TRPV2: variants seen among roughly 807,000 people sequenced by gnomAD.
The protein encoded by TRPV2 is transient receptor potential cation channel subfamily V member 2, also known as OTRPC2.
Under a neutral mutation model 91.0 loss-of-function variants are expected in TRPV2, and 58 were observed. The observed-to-expected ratio is 0.64, with a 90% confidence interval of 0.52 to 0.79. TRPV2 has a LOEUF of 0.79. Ranked by LOEUF, TRPV2 falls within the 30% of genes least tolerant of loss-of-function variation. TRPV2 has a pLI of 0.00. For synonymous variants in TRPV2, 417 were observed against 414.8 expected (o/e 1.01, Z -0.06); for missense variants, 807 against 969.6 (o/e 0.83, Z 2.23).
chr17:16,420,252 G>A lies in TRPV2; in HGVS notation c.334+4G>A. 1 of 1,608,402 alleles carries A rather than the reference G, an allele frequency of 6.2e-7. No homozygotes were observed. The highest frequency in any genetic ancestry group is 1.1e-5 in the South Asian group (1 of 90,810). ...CTCACCGACTCGGAATACACAGGTA[G>A]ACCCTGCCCTGTGGATCCAAGGCTA... On this transcript the variant is annotated splice_donor_region_variant and intron_variant, in intron 3 of 14. Coordinates refer to ENST00000338560, the MANE Select transcript of TRPV2 (RefSeq NM_016113.5).
In TRPV2 at chr17:16,421,519, ATT is replaced by A. The variant is rs574608841; in HGVS notation, c.335-1063_335-1062del. 6.3e-3 allele frequency among the ~76,000 whole-genome samples: 543 copies of A among 86,686 alleles called. 8 individuals are homozygous for A. The highest frequency in any genetic ancestry group is 0.021 in the African/African-American group (505 of 24,494). The allele number at this position is 86,686 out of a possible 152,430, so 56.9% of individuals were successfully genotyped here. A position where few individuals can be genotyped will look rare whatever the true frequency, so the allele number is the denominator to read the frequency against. On this transcript the variant is annotated intron_variant, in intron 3 of 14. Coordinates refer to ENST00000338560, the MANE Select transcript of TRPV2 (RefSeq NM_016113.5). The stretch of plus-strand genomic sequence containing the variant: ...CAGGCGTGAGCCACCGCGCCTGGCC[ATT>A]TTTTTTTTTTTTTTTTCCGAGACGG...
At chr17:16,427,814 G>A (rs1329817207) in intron 8 of TRPV2, among the ~76,000 whole-genome samples, 1 of 152,196 alleles carries the variant, frequency 6.6e-6, no homozygotes, top group Non-Finnish European at 1.5e-5. Flanking sequence ...GAATGGAGCT[G>A]GAAGCGCCTG....
chr17:16,423,415 T>G, intron 4 of TRPV2, 54 bp from the exon 5 acceptor site: 1 of 1,544,182 alleles, frequency 6.5e-7, no homozygotes, highest in Admixed American at 1.9e-5. Context: ...GCATGAGGAG[T>G]AGGCAGATGG....
chr17:16,432,448 T>TTG (rs1731612951), intron 12 of TRPV2, 148 bp downstream of exon 12: 1 of 725,694 alleles, frequency 1.4e-6, no homozygotes, highest in Non-Finnish European at 2.2e-6. Context: ...CCTTTTTTTT[T>TTG]TTTTTTTCTG....
chr17:16,420,423 C>T (rs564120666), intron 3 of TRPV2, among the ~76,000 whole-genome samples, 175 bp downstream of exon 3: 15 of 152,170 alleles, frequency 9.9e-5, no homozygotes, highest in African/African-American at 3.4e-4. Flanking sequence ...GGCCTCCTGT[C>T]AGTCTTGGCT....
chr17:16,425,802 A>G (rs1308838579), intron 5 of TRPV2, among the ~76,000 whole-genome samples: 1 of 152,218 alleles, frequency 6.6e-6, no homozygotes, highest in Non-Finnish European at 1.5e-5. Context: ...CAGGGGCCTC[A>G]AGGACCCCAG....
At chr17:16,419,080 T>C (rs942678054) in intron 2 of TRPV2, among the ~76,000 whole-genome samples, 5 of 151,936 alleles carry the variant, frequency 3.3e-5, no homozygotes, top group African/African-American at 1.2e-4. Context: ...TCACCAACCT[T>C]TACTTGGTTG....
chr17:16,418,095 G>A (rs931079891), intron 2 of TRPV2, among the ~76,000 whole-genome samples: 1 of 152,198 alleles, frequency 6.6e-6, no homozygotes, highest in African/African-American at 2.4e-5. Flanking sequence ...GCCTTCTGAG[G>A]TCATGTTCTT....
At chr17:16,428,516 G>A (rs939645781) in intron 9 of TRPV2, 129 bp downstream of exon 9, 11 of 1,022,178 alleles carry the variant, frequency 1.1e-5, no homozygotes, top group Non-Finnish European at 1.7e-5. Context: ...TCTGTGTACA[G>A]GCCAGTCCCA....
chr17:16,431,651 CCCACAT>C, intron 10 of TRPV2, 127 bp from the exon 11 acceptor site: 1 of 765,984 alleles, frequency 1.3e-6, no homozygotes, highest in Non-Finnish European at 2.2e-6. Flanking sequence ...GCTCCACAGG[CCCACAT>C]ATGCATATGT....
intron 5 of TRPV2, among the ~76,000 whole-genome samples, chr17:16,424,753 T>C (rs1007344540): frequency 4.6e-5 from 7 of 152,126 alleles, no homozygotes; most frequent in Non-Finnish European, 8.8e-5. Context: ...AAATTTCTCC[T>C]AGTTCATCAT....
At chr17:16,431,292 T>TATATAGATA (rs1491493192) in intron 10 of TRPV2, among the ~76,000 whole-genome samples, 1 of 16,294 alleles carries the variant, frequency 6.1e-5, no homozygotes, top group Non-Finnish European at 9.6e-5. Context: ...TATATACATA[T>TATATAGATA]TTTTTTTTTT....
Position 16,423,883 on chromosome 17 carries a change from A to G in TRPV2, c.924+116A>G, listed in dbSNP as rs73287067. The G allele has an allele frequency of 6.3e-3, 6,305 of 1,000,230 alleles. 250 individuals carry two copies. The African/African-American group carries it at 0.09, about 14-fold the overall frequency. 62.0% of individuals were successfully genotyped at this position (1,000,230 alleles called of 1,614,324 possible). A position where few individuals can be genotyped will look rare whatever the true frequency, so the allele number is the denominator to read the frequency against. On this transcript the variant is annotated intron_variant, in intron 5 of 14. Coordinates refer to ENST00000338560, the MANE Select transcript of TRPV2 (RefSeq NM_016113.5). The stretch of plus-strand genomic sequence containing the variant: ...AGAGCAGTGGCTTCTCTGCTTTTCA[A>G]TGGAACACTCCTGTTAGTAAGAAAA...
intron 12 of TRPV2, 119 bp from the exon 13 acceptor site, chr17:16,433,455 T>G (rs1037197756): frequency 7.0e-7 from 1 of 1,431,102 alleles, no homozygotes; most frequent in Non-Finnish European, 9.4e-7. Flanking sequence ...GCGTGTTTAG[T>G]TGACTTCGCG....
In TRPV2 at chr17:16,426,203, G is replaced by A. The variant is rs764221842; in HGVS notation, c.1029G>A (p.Leu343=). 1.2e-5 allele frequency: 20 copies of A among 1,614,088 alleles called. No individual in the cohort carries two copies. The South Asian group carries it at 1.9e-4, about 15-fold the overall frequency. Residue 343 remains leucine (L), a synonymous_variant, in exon 6 of 15, where the codon CTG becomes CTA. Coordinates refer to ENST00000338560, the MANE Select transcript of TRPV2 (RefSeq NM_016113.5). This position sits in a 1 kb window ranked among gnomAD's most constrained non-coding sequence, Gnocchi z 6.0. ...CTGTCCGGGTGTCGCTGTATGACCT[G>A]GCTTCTGTGGACAGCTGTGAGGAGA... is the stretch of plus-strand genomic sequence containing the variant. ...YGPVRVSLYD[L]ASVDSCEENS...
intron 3 of TRPV2, among the ~76,000 whole-genome samples, chr17:16,421,885 G>T (rs1051808603): frequency 6.6e-5 from 10 of 152,130 alleles, no homozygotes; most frequent in African/African-American, 2.4e-4. Flanking sequence ...CGAAAACTGA[G>T]ATTAAGAGAG....
intron 12 of TRPV2, 27 bp from the exon 13 acceptor site, chr17:16,433,547 T>A (rs1269833648): frequency 3.2e-5 from 51 of 1,612,182 alleles, no homozygotes; most frequent in Non-Finnish European, 4.2e-5. Flanking sequence ...CCCAGGACGT[T>A]CTGTCTGATG....
chr17:16,426,894 T>G lies in TRPV2; in HGVS notation c.1251+17T>G. On this transcript the variant is annotated intron_variant, in intron 7 of 14. Coordinates refer to ENST00000338560, the MANE Select transcript of TRPV2 (RefSeq NM_016113.5). The surrounding 1 kb of genome is among the most constrained non-coding windows in gnomAD (Gnocchi z 6.0). ...CTGAAGAAGGCAAGGGCGTGAGGTT[T>G]GGGGGGGCACATCTTGGGGGAGGCC... 1.3e-6 allele frequency: 2 copies of G among 1,569,754 alleles called. No homozygotes were observed. Among genetic ancestry groups the G allele is most frequent in the East Asian group, 2.4e-5 (1 of 40,890 alleles).
At chr17:16,431,272 T>C (rs1295437756) in intron 10 of TRPV2, among the ~76,000 whole-genome samples, 8 of 75,390 alleles carry the variant, frequency 1.1e-4, no homozygotes, top group Non-Finnish European at 1.8e-4. Context: ...TATATATATA[T>C]ATATATATAT....
Sources: allele counts gnomAD v4.1 joint callset (sites outside exome capture counted in the v4.1 genomes callset), GRCh38; gene constraint gnomAD v4.1.1; non-coding constraint Gnocchi (gnomAD v3.1); transcripts MANE v1.5; gene names NCBI Gene and HGNC (gene_info 2026-07-23, HGNC 2026-07-21).